The following EFNB2 variants were observed in gnomAD, a reference collection of about 807,000 sequenced individuals.
EFNB2 encodes ephrin B2, also known as ephrin-B2.
A neutral mutation model predicts 32.1 loss-of-function variants in EFNB2; 5 were observed. The ratio of observed to expected loss-of-function variants is 0.16; its 90% CI spans 0.08 to 0.33. The LOEUF is 0.33. Among genes scored for constraint, EFNB2 ranks in the 10% least tolerant of loss-of-function variants. The probability of loss-of-function intolerance (pLI) is 1.00; values close to 1 mark genes in which losing one functional copy is unlikely to be tolerated. For missense variants in EFNB2, 263 were observed against 422.6 expected (o/e 0.62, Z 3.31); for synonymous variants, 168 against 166.5 (o/e 1.01, Z -0.07).
chr13:106,512,245 T>C (rs1262122781), intron 2 of EFNB2, among the ~76,000 whole-genome samples: 1 of 151,922 alleles, frequency 6.6e-6, no homozygotes, highest in Non-Finnish European at 1.5e-5. Context: ...GTTTTGTCAG[T>C]AGAGATGCTG....
chr13:106,495,320 T>G (rs1459302812), intron 3 of EFNB2, among the ~76,000 whole-genome samples: 1 of 152,234 alleles, frequency 6.6e-6, no homozygotes, highest in Non-Finnish European at 1.5e-5. Flanking sequence ...ATTATTTCTT[T>G]CTGCACAATA....
Position 106,501,795 on chromosome 13 carries a change from T to C in EFNB2, c.407-5955A>G, listed in dbSNP as rs560230161. 1.3e-4 allele frequency among the ~76,000 whole-genome samples: 20 copies of C among 152,190 alleles called. No homozygotes were observed. The South Asian group carries it at 4.1e-3, about 32-fold the overall frequency. On this transcript the variant is annotated intron_variant, in intron 2 of 4. Coordinates refer to ENST00000646441, the MANE Select transcript of EFNB2 (RefSeq NM_004093.4). ...TTTTAGTAGAGACGGGGTTTCACAG[T>C]GTTAGCCAGTTTGGTCTCGATCTCC...
intron 1 of EFNB2, among the ~76,000 whole-genome samples, chr13:106,531,842 C>T (rs1879881505): frequency 6.6e-6 from 1 of 152,176 alleles, no homozygotes; most frequent in South Asian, 2.1e-4. Context: ...TAACCCCAGA[C>T]ATAAGGCATT....
chr13:106,515,662 T>C (rs905304376), intron 1 of EFNB2, among the ~76,000 whole-genome samples: 2 of 152,214 alleles, frequency 1.3e-5, no homozygotes, highest in Non-Finnish European at 2.9e-5. Flanking sequence ...TTTTACTTTT[T>C]AAGCGTATAT....
chr13:106,512,720 T>C lies in EFNB2; in HGVS notation c.215A>G (p.Gln72Arg), dbSNP rs1391487901. 1 of 1,613,884 alleles carries C rather than the reference T, an allele frequency of 6.2e-7. No individual in the cohort carries two copies. Among genetic ancestry groups the C allele is most frequent in the Admixed American group, 1.7e-5 (1 of 60,012 alleles). Residue 72 changes from glutamine (Q) to arginine (R), a missense_variant, in exon 2 of 5, where the codon CAG (glutamine) becomes CGG (arginine). Coordinates refer to ENST00000646441, the MANE Select transcript of EFNB2 (RefSeq NM_004093.4). ...CATATAAACTTTATAATATTCATAC[T>C]GGCCAACAGTTTTAGAGTCCACTTT... is the stretch of plus-strand genomic sequence containing the variant. The part of the protein sequence containing the change: ...CPKVDSKTVG[Q>R]YEYYKVYMVD...
rs952594339 is a variant in EFNB2 at position 106,492,780 on chromosome 13, G to T, written c.*260C>A. 91 of 397,880 alleles carry T rather than the reference G, an allele frequency of 2.3e-4. No individual in the cohort carries two copies. Among genetic ancestry groups the T allele is most frequent in the African/African-American group, 1.6e-3 (81 of 50,998 alleles). 24.6% of individuals were successfully genotyped at this position (397,880 alleles called of 1,614,324 possible). A position where few individuals can be genotyped will look rare whatever the true frequency, so the allele number is the denominator to read the frequency against. On this transcript the variant is annotated 3_prime_UTR_variant, in exon 5 of 5. Coordinates refer to ENST00000646441, the MANE Select transcript of EFNB2 (RefSeq NM_004093.4). This position sits in a 1 kb window ranked among gnomAD's most constrained non-coding sequence, Gnocchi z 5.1. ...CAGCACATGGCTTCGAGGAGGAGACGTGGGACGCGGCACAGCAGTCCGAAT... is the reference window on the plus strand; with the variant it reads ...CAGCACATGGCTTCGAGGAGGAGACTTGGGACGCGGCACAGCAGTCCGAAT...
At chr13:106,522,268 C>T (rs1477047068) in intron 1 of EFNB2, among the ~76,000 whole-genome samples, 1 of 152,232 alleles carries the variant, frequency 6.6e-6, no homozygotes, top group East Asian at 1.9e-4. Context: ...CCTTCAGAGA[C>T]AAGATGCACT....
At chr13:106,532,474 T>C (rs1233856362) in intron 1 of EFNB2, among the ~76,000 whole-genome samples, 2 of 152,176 alleles carry the variant, frequency 1.3e-5, no homozygotes, top group African/African-American at 2.4e-5. Context: ...GATTCAAACT[T>C]TCCTCTGGAA....
At chr13:106,532,890 G>T (rs750684326) in intron 1 of EFNB2, among the ~76,000 whole-genome samples, 4 of 150,654 alleles carry the variant, frequency 2.7e-5, no homozygotes, top group Middle Eastern at 3.5e-3. Context: ...ATTACAAAAA[G>T]AAGTTATTAA....
In EFNB2 at chr13:106,512,705, T is replaced by C. The variant is rs1879181930; in HGVS notation, c.230A>G (p.Lys77Arg). The C allele has an allele frequency of 1.2e-6, 2 of 1,613,846 alleles. No individual in the cohort carries two copies. The highest frequency in any genetic ancestry group is 1.7e-6 in the Non-Finnish European group (2 of 1,179,922). The change falls in exon 2 of 5, where the codon AAA becomes AGA. Residue 77 changes from lysine to arginine, a missense_variant. By Grantham distance (26) the Lys-to-Arg change is conservative. This residue lies in a region of EFNB2 where 45 missense variants were observed against 128.6 expected (regional missense o/e 0.35). Coordinates refer to ENST00000646441, the MANE Select transcript of EFNB2 (RefSeq NM_004093.4). ...TTGGTCTTTATCAACCATATAAACT[T>C]TATAATATTCATACTGGCCAACAGT... ...SKTVGQYEYY[K>R]VYMVDKDQAD...
At chr13:106,499,924 CAAAAAAGTTCCTT>C (rs1712126074) in intron 2 of EFNB2, among the ~76,000 whole-genome samples, 1 of 152,146 alleles carries the variant, frequency 6.6e-6, no homozygotes, top group African/African-American at 2.4e-5. Flanking sequence ...TACTGCTCAG[CAAAAAAGTTCCTT>C]GCGTTCACAT....
rs567337273 is a variant in EFNB2, at chr13:106,523,044, CAAG to C, written c.123-10235_123-10233del. ...TACAAGGCTGTGTGCAATTGCTTTA[CAAG>C]CAGGCTGCTTCACAGATACCTCCTT... On this transcript the variant is annotated intron_variant, in intron 1 of 4. Coordinates refer to ENST00000646441, the MANE Select transcript of EFNB2 (RefSeq NM_004093.4). Among the ~76,000 whole-genome samples the C allele has an allele frequency of 6.4e-4, 97 of 152,316 alleles. 2 individuals are homozygous for C. The South Asian group carries it at 0.018, about 29-fold the overall frequency.
chr13:106,528,846 G>GT (rs1879785608), intron 1 of EFNB2, among the ~76,000 whole-genome samples: 1 of 152,134 alleles, frequency 6.6e-6, no homozygotes, highest in Non-Finnish European at 1.5e-5. Flanking sequence ...AGATTTTTCT[G>GT]TTTTTGACTT....
intron 2 of EFNB2, among the ~76,000 whole-genome samples, chr13:106,507,174 C>T (rs1878980527): frequency 6.6e-6 from 1 of 152,174 alleles, no homozygotes; most frequent in African/African-American, 2.4e-5. Context: ...GCTGATGTTG[C>T]TGTATCACCA....
chr13:106,512,975 G>C (rs1183397444), intron 1 of EFNB2, among the ~76,000 whole-genome samples, 163 bp from the exon 2 acceptor site: 1 of 152,178 alleles, frequency 6.6e-6, no homozygotes. Flanking sequence ...TGGGATGAAT[G>C]TATTTTGGAA....
chr13:106,500,370 C>A (rs991640625), intron 2 of EFNB2, among the ~76,000 whole-genome samples: 1 of 152,144 alleles, frequency 6.6e-6, no homozygotes, highest in Non-Finnish European at 1.5e-5. Flanking sequence ...ACAAAAAAAT[C>A]CTACAGAATA....
intron 2 of EFNB2, among the ~76,000 whole-genome samples, chr13:106,500,492 G>A (rs772770680): frequency 1.3e-5 from 2 of 152,208 alleles, no homozygotes; most frequent in African/African-American, 2.4e-5. Flanking sequence ...CAGGATGGAG[G>A]AGAGGGCAGA....
intron 1 of EFNB2, among the ~76,000 whole-genome samples, chr13:106,534,594 T>C (rs1879994664): frequency 6.6e-6 from 1 of 152,026 alleles, no homozygotes; most frequent in Non-Finnish European, 1.5e-5. Context: ...GAGCCGATAG[T>C]AGCTTTTAGC....
intron 1 of EFNB2, among the ~76,000 whole-genome samples, chr13:106,514,984 G>C (rs1316097625): frequency 6.6e-6 from 1 of 152,052 alleles, no homozygotes; most frequent in Non-Finnish European, 1.5e-5. Flanking sequence ...CTCAAGTTTG[G>C]CTCACTAAGC....
Sources: allele counts gnomAD v4.1 joint callset (sites outside exome capture counted in the v4.1 genomes callset), GRCh38; gene constraint gnomAD v4.1.1; regional missense constraint gnomAD v4.1.1; non-coding constraint Gnocchi (gnomAD v3.1); transcripts MANE v1.5; gene names NCBI Gene and HGNC (gene_info 2026-07-23, HGNC 2026-07-21).